OPCML: variants seen among roughly 807,000 people sequenced by gnomAD.
OPCML encodes opioid binding protein/cell adhesion molecule like.
Under a neutral mutation model 37.8 loss-of-function variants are expected in OPCML, and 13 were observed. The observed-to-expected ratio is 0.34, with a 90% CI of 0.22 to 0.55. OPCML has a LOEUF of 0.55. Ranked by LOEUF, OPCML falls within the 20% of genes least tolerant of loss-of-function variation. The pLI is 0.91. For missense variants in OPCML, 341 were observed against 435.6 expected (o/e 0.78, Z 1.93); for synonymous variants, 176 against 168.8 (o/e 1.04, Z -0.33).
At chr11:132,918,425 C>T (rs1026416142) in intron 2 of OPCML, among the ~76,000 whole-genome samples, 2 of 152,186 alleles carry the variant, frequency 1.3e-5, no homozygotes, top group Admixed American at 1.3e-4. Context: ...AGCACCTGTA[C>T]TGACTTCCAT....
chr11:132,533,288 G>A (rs2096331353), intron 3 of OPCML, among the ~76,000 whole-genome samples: 3 of 152,106 alleles, frequency 2.0e-5, no homozygotes, highest in Admixed American at 6.5e-5. Flanking sequence ...GCACAACTAC[G>A]GTAACTTCAA....
At chr11:132,477,873 G>T (rs930351803) in intron 4 of OPCML, among the ~76,000 whole-genome samples, 3 of 152,048 alleles carry the variant, frequency 2.0e-5, no homozygotes, top group African/African-American at 7.2e-5. Flanking sequence ...TAATTTACTT[G>T]TAAAGATTTT....
intron 1 of OPCML, chr11:133,421,804 T>C (rs1945892349): frequency 1.0e-6 from 1 of 983,450 alleles, no homozygotes; most frequent in African/African-American, 1.7e-5. Context: ...GTCTTCCAGC[T>C]GAGTCCTCAG....
At chr11:133,392,021 A>AT (rs1945183907) in intron 1 of OPCML, among the ~76,000 whole-genome samples, 1 of 152,240 alleles carries the variant, frequency 6.6e-6, no homozygotes, top group African/African-American at 2.4e-5. Context: ...AAAAAATTAA[A>AT]GACTATTTTT....
intron 2 of OPCML, among the ~76,000 whole-genome samples, chr11:132,815,882 T>C (rs775288091): frequency 6.6e-6 from 1 of 152,140 alleles, no homozygotes; most frequent in Admixed American, 6.5e-5. Context: ...GATAGAGAAA[T>C]GTGTCTTGCT....
chr11:133,513,545 A>C (rs538575118), intron 1 of OPCML, among the ~76,000 whole-genome samples: 1 of 152,322 alleles, frequency 6.6e-6, no homozygotes, highest in East Asian at 1.9e-4. Context: ...TGGCAGAGCT[A>C]GTTTCTTCCT....
chr11:132,728,957 G>A (rs954051298), intron 2 of OPCML, among the ~76,000 whole-genome samples: 4 of 152,282 alleles, frequency 2.6e-5, no homozygotes, highest in African/African-American at 9.6e-5. Flanking sequence ...AAAGTAGATG[G>A]AGGAGAAAGA....
chr11:132,991,472 C>T (rs776399104), intron 1 of OPCML, among the ~76,000 whole-genome samples: 3 of 152,190 alleles, frequency 2.0e-5, no homozygotes, highest in Non-Finnish European at 4.4e-5. Context: ...TCTTATTTAG[C>T]TTATAAATGG....
At chr11:132,633,560 A>G (rs1369470337) in intron 3 of OPCML, among the ~76,000 whole-genome samples, 2 of 152,200 alleles carry the variant, frequency 1.3e-5, no homozygotes, top group Non-Finnish European at 2.9e-5. Flanking sequence ...AGGAGGCCCC[A>G]GGCCCTGGGT....
chr11:132,927,229 G>T (rs1052421354), intron 2 of OPCML, among the ~76,000 whole-genome samples: 17 of 152,036 alleles, frequency 1.1e-4, no homozygotes, highest in Non-Finnish European at 1.5e-5. Flanking sequence ...TAAACCCAAG[G>T]ATACCCACAG....
intron 1 of OPCML, among the ~76,000 whole-genome samples, chr11:133,483,978 TAGAA>T (rs202002707): frequency 0.023 from 3,507 of 150,662 alleles, 138 homozygotes; most frequent in African/African-American, 0.081. Flanking sequence ...GATAGGTAGA[TAGAA>T]AGATAGCTAG....
intron 1 of OPCML, among the ~76,000 whole-genome samples, chr11:133,483,792 A>ACAT (rs1197619580): frequency 2.4e-5 from 1 of 41,456 alleles, no homozygotes; most frequent in African/African-American, 2.3e-4. Flanking sequence ...ATAGATACAT[A>ACAT]GATGATAGAT....
chr11:132,819,942 T>C (rs1023714120), intron 2 of OPCML, among the ~76,000 whole-genome samples: 2 of 152,120 alleles, frequency 1.3e-5, no homozygotes, highest in Non-Finnish European at 2.9e-5. Flanking sequence ...TCCCCCAGGG[T>C]CCTGGGGCTG....
At chr11:133,157,371 T>C (rs923685687) in intron 1 of OPCML, among the ~76,000 whole-genome samples, 2 of 152,200 alleles carry the variant, frequency 1.3e-5, no homozygotes, top group Non-Finnish European at 2.9e-5. Context: ...CTAGCAGGGC[T>C]GGGCTGCCTC....
intron 1 of OPCML, among the ~76,000 whole-genome samples, chr11:133,227,792 G>A (rs1274379328): frequency 3.9e-5 from 6 of 152,228 alleles, no homozygotes; most frequent in East Asian, 1.9e-4. Flanking sequence ...CCTTTTCATC[G>A]CCAGGAGCTG....
At chr11:133,518,222 G>GT (rs1948324343) in intron 1 of OPCML, among the ~76,000 whole-genome samples, 1 of 150,596 alleles carries the variant, frequency 6.6e-6, no homozygotes, top group Non-Finnish European at 1.5e-5. Context: ...TAAGTGTGTG[G>GT]GGGGGTGTGT....
intron 4 of OPCML, among the ~76,000 whole-genome samples, chr11:132,497,349 A>T (rs868672595): frequency 1.3e-5 from 2 of 151,214 alleles, no homozygotes; most frequent in Non-Finnish European, 1.5e-5. Context: ...ACCATGGCAC[A>T]CATTTACCTA....
chr11:132,609,118 T>C (rs1938481488), intron 3 of OPCML, among the ~76,000 whole-genome samples: 1 of 151,944 alleles, frequency 6.6e-6, no homozygotes, highest in Non-Finnish European at 1.5e-5. Context: ...TTCGTGTTTC[T>C]CATCGGCTTC....
intron 1 of OPCML, among the ~76,000 whole-genome samples, chr11:133,404,566 A>C (rs1202444089): frequency 6.6e-6 from 1 of 152,216 alleles, no homozygotes; most frequent in African/African-American, 2.4e-5. Context: ...AACTTTCCCA[A>C]GGTTACATAG....
Sources: gnomAD v4.1 joint callset for allele counts (sites outside exome capture counted in the v4.1 genomes callset) on GRCh38, gnomAD v4.1.1 for gene constraint, MANE v1.5 for transcripts, NCBI Gene and HGNC (gene_info 2026-07-23, HGNC 2026-07-21) for gene names.